ADAMTS18: variants seen among roughly 807,000 people sequenced by gnomAD.
ADAMTS18 encodes the protein A disintegrin and metalloproteinase with thrombospondin motifs 18.
In ADAMTS18, 157 loss-of-function variants were observed where a neutral mutation model predicts 165.9. The ratio of observed to expected loss-of-function variants is 0.95; its 90% CI spans 0.83 to 1.08. The LOEUF (loss-of-function observed/expected upper bound fraction) is 1.08, where lower values mean the gene tolerates loss of function less well. Ranked by LOEUF, ADAMTS18 falls within the 50% of genes least tolerant of loss-of-function variation. ADAMTS18 has a pLI of 0.00. For synonymous variants in ADAMTS18, 782 were observed against 578.2 expected (o/e 1.35, Z -5.06); for missense variants, 2,040 against 1,534.0 (o/e 1.33, Z -5.51).
intron 4 of ADAMTS18, 145 bp from the exon 5 acceptor site, chr16:77,364,526 G>C: frequency 1.2e-6 from 1 of 858,412 alleles, no homozygotes; most frequent in South Asian, 1.7e-5. Flanking sequence ...ATCAGTGCCT[G>C]CCCAGGTGCC....
In ADAMTS18 at chr16:77,353,801, C is replaced by T. The variant is rs767415259; in HGVS notation, c.1546G>A (p.Asp516Asn). ...TGCCATTTACACTGTGTGTCAGCAT[C>T]ATAAATCTGTCCTGGTAGTTTGTCC... ...YPDKLPGQIYDADTQCKWQFG... is the reference protein window; with the variant it reads ...YPDKLPGQIYNADTQCKWQFG... The change falls in exon 10 of 23, where the codon GAT (aspartate) becomes AAT (asparagine). Residue 516 changes from aspartate (D) to asparagine (N), a missense_variant. Coordinates refer to ENST00000282849, the MANE Select transcript of ADAMTS18 (RefSeq NM_199355.4). 3.1e-6 allele frequency: 5 copies of T among 1,614,176 alleles called. No homozygotes were observed. The South Asian group carries it at 3.3e-5, about 11-fold the overall frequency.
At chr16:77,404,626 G>A (rs930030266) in intron 3 of ADAMTS18, among the ~76,000 whole-genome samples, 5 of 152,152 alleles carry the variant, frequency 3.3e-5, no homozygotes, top group Non-Finnish European at 5.9e-5. Context: ...TGTTTTGTCT[G>A]TTCTGTTTGT....
chr16:77,375,111 C>A (rs1399072689), intron 3 of ADAMTS18, among the ~76,000 whole-genome samples: 1 of 152,020 alleles, frequency 6.6e-6, no homozygotes, highest in African/African-American at 2.4e-5. Context: ...TGTGGTCTCC[C>A]GTGGCCTCCA....
chr16:77,408,779 T>A lies in ADAMTS18; in HGVS notation c.495+22516A>T, dbSNP rs575170135. ...ACATGATATATTTTCATCTGGTTGG[T>A]GGTTAGAGGAGTGTGGCCACTTTCT... On this transcript the variant is annotated intron_variant, in intron 3 of 22. Transcript: ENST00000282849. Among the ~76,000 whole-genome samples the A allele has an allele frequency of 4.6e-5, 7 of 152,274 alleles. No individual in the cohort carries two copies. The South Asian group carries it at 1.5e-3, about 32-fold the overall frequency.
intron 3 of ADAMTS18, among the ~76,000 whole-genome samples, chr16:77,427,312 T>C (rs1444684903): frequency 6.6e-6 from 1 of 152,204 alleles, no homozygotes; most frequent in Non-Finnish European, 1.5e-5. Flanking sequence ...GATCTCTTAG[T>C]ACATAGGAAG....
intron 11 of ADAMTS18, among the ~76,000 whole-genome samples, chr16:77,336,776 T>A (rs2056317329): frequency 6.6e-6 from 1 of 152,224 alleles, no homozygotes. Flanking sequence ...CTTTTGTTTT[T>A]GTTTTATTTT....
chr16:77,421,664 G>C (rs114348533), intron 3 of ADAMTS18, among the ~76,000 whole-genome samples: 1 of 152,118 alleles, frequency 6.6e-6, no homozygotes, highest in Non-Finnish European at 1.5e-5. Flanking sequence ...GGTGATACTG[G>C]GTGGCTAATA....
chr16:77,434,883 C>A lies in ADAMTS18; in HGVS notation c.-188G>T, dbSNP rs1015681243. On this transcript the variant is annotated 5_prime_UTR_variant, in exon 1 of 23. Coordinates refer to ENST00000282849, the MANE Select transcript of ADAMTS18 (RefSeq NM_199355.4). ...CTCCTCCGGCCGCCTGCGCGCCCTC[C>A]CTTCTCCCGGCGCGGGCCTGCCGAG... The A allele has an allele frequency of 6.8e-6, 3 of 442,696 alleles. No individual in the cohort carries two copies. Among genetic ancestry groups the A allele is most frequent in the Non-Finnish European group, 1.1e-5 (3 of 266,514 alleles). 27.4% of individuals were successfully genotyped at this position (442,696 alleles called of 1,614,324 possible).
intron 3 of ADAMTS18, among the ~76,000 whole-genome samples, chr16:77,418,753 G>A (rs546248592): frequency 6.6e-6 from 1 of 152,302 alleles, no homozygotes; most frequent in South Asian, 2.1e-4. Context: ...CTGAAAAGGG[G>A]ACTATTTGGT....
intron 12 of ADAMTS18, among the ~76,000 whole-genome samples, chr16:77,329,206 A>G (rs956460172): frequency 3.3e-5 from 5 of 152,040 alleles, no homozygotes; most frequent in African/African-American, 1.2e-4. Flanking sequence ...CCTGAACTCA[A>G]GTAATCCTCC....
intron 11 of ADAMTS18, among the ~76,000 whole-genome samples, chr16:77,338,791 A>C (rs2056351829): frequency 6.6e-6 from 1 of 151,384 alleles, no homozygotes; most frequent in Non-Finnish European, 1.5e-5. Context: ...ATCTCTAATA[A>C]AAAATAGAAA....
At chr16:77,338,953 C>CAA (rs58380516) in intron 11 of ADAMTS18, among the ~76,000 whole-genome samples, 1 of 113,532 alleles carries the variant, frequency 8.8e-6, no homozygotes, top group African/African-American at 3.1e-5. Flanking sequence ...GACTCCATCT[C>CAA]AAAAAAAAAA....
chr16:77,396,154 A>G (rs560517748), intron 3 of ADAMTS18, among the ~76,000 whole-genome samples: 1 of 152,344 alleles, frequency 6.6e-6, no homozygotes, highest in East Asian at 1.9e-4. Flanking sequence ...TTACTAAATC[A>G]TAATCTATAA....
chr16:77,284,057 C>G lies in ADAMTS18; in HGVS notation c.3565G>C (p.Val1189Leu), dbSNP rs61749042. ...APEKREDPSC[V>L]DFFNWCHLVP... is the part of the protein sequence containing the mutation. The stretch of plus-strand genomic sequence containing the variant: ...AGGTGACACCAGTTGAAGAAATCTA[C>G]GCAGGATGGATCCTCTAAAATAAGA... Residue 1189 changes from valine to leucine, a missense_variant, in exon 23 of 23, where the codon GTA becomes CTA. Transcript: ENST00000282849. 6.2e-7 allele frequency: 1 copy of G among 1,611,504 alleles called. No homozygotes were observed. Among genetic ancestry groups the G allele is most frequent in the Non-Finnish European group, 8.5e-7 (1 of 1,177,940 alleles).
chr16:77,368,433 T>C (rs1183490453), intron 3 of ADAMTS18, among the ~76,000 whole-genome samples: 8 of 148,948 alleles, frequency 5.4e-5, no homozygotes, highest in Non-Finnish European at 1.2e-4. Context: ...ATTTTTCTTT[T>C]TTTCTTTTTT....
intron 18 of ADAMTS18, 71 bp downstream of exon 18, chr16:77,297,218 C>A: frequency 6.3e-7 from 1 of 1,588,714 alleles, no homozygotes; most frequent in South Asian, 1.1e-5. Context: ...AGTGAGCTTT[C>A]ATCATCTCAT....
intron 12 of ADAMTS18, among the ~76,000 whole-genome samples, chr16:77,330,392 C>T (rs193084248): frequency 6.6e-6 from 1 of 152,138 alleles, no homozygotes; most frequent in Non-Finnish European, 1.5e-5. Context: ...TGAAAAATGT[C>T]AAAGGATTAA....
chr16:77,390,493 C>T (rs2057170733), intron 3 of ADAMTS18, among the ~76,000 whole-genome samples: 1 of 151,968 alleles, frequency 6.6e-6, no homozygotes, highest in Non-Finnish European at 1.5e-5. Flanking sequence ...AGTTTGAGAC[C>T]AGCCTGACCG....
chr16:77,416,210 AAGTGC>A (rs1338865608), intron 3 of ADAMTS18, among the ~76,000 whole-genome samples: 1 of 152,182 alleles, frequency 6.6e-6, no homozygotes, highest in African/African-American at 2.4e-5. Context: ...AGAGCATTCC[AAGTGC>A]AGTCACTGAG....
Sources: allele counts gnomAD v4.1 joint callset (sites outside exome capture counted in the v4.1 genomes callset), GRCh38; gene constraint gnomAD v4.1.1; transcripts MANE v1.5; gene names NCBI Gene and HGNC (gene_info 2026-07-23, HGNC 2026-07-21).